Variants in ADAMTS17 observed in about 807,000 individuals in gnomAD.
ADAMTS17 encodes A disintegrin and metalloproteinase with thrombospondin motifs 17.
A neutral mutation model predicts 141.5 loss-of-function variants in ADAMTS17; 113 were observed. The observed-to-expected ratio is 0.80, with a 90% confidence interval of 0.69 to 0.93. The LOEUF is 0.93. ADAMTS17 is among the 40% of genes least tolerant of loss of function. The pLI, the probability that ADAMTS17 is intolerant of heterozygous loss-of-function variation, is 0.00. For synonymous variants in ADAMTS17, 768 were observed against 630.6 expected, an observed-to-expected ratio of 1.22 and a Z score of -3.27; for missense variants, 1,659 against 1,517.9, an observed-to-expected ratio of 1.09 and a Z score of -1.54.
chr15:100,237,124 C>T (rs1051156544), intron 7 of ADAMTS17, among the ~76,000 whole-genome samples: 6 of 152,134 alleles, frequency 3.9e-5, no homozygotes, highest in African/African-American at 1.2e-4. Flanking sequence ...ACTGGGGTGT[C>T]GGGCCAGCCA....
chr15:100,210,003 C>T (rs570708367), intron 7 of ADAMTS17, among the ~76,000 whole-genome samples: 80 of 152,004 alleles, frequency 5.3e-4, no homozygotes, highest in African/African-American at 1.9e-3. Flanking sequence ...TGTGGTGGTC[C>T]GCGGGCAGAT....
chr15:100,254,873 A>G (rs1181443368), intron 6 of ADAMTS17, among the ~76,000 whole-genome samples: 1 of 152,204 alleles, frequency 6.6e-6, no homozygotes, highest in Non-Finnish European at 1.5e-5. Context: ...GAGGGACAGC[A>G]TGAGGAAGAA....
intron 7 of ADAMTS17, among the ~76,000 whole-genome samples, chr15:100,253,909 T>C (rs1191472778): frequency 6.6e-6 from 1 of 152,060 alleles, no homozygotes; most frequent in African/African-American, 2.4e-5. Context: ...GGTGTCACTC[T>C]TCATAGCTTC....
At position 99,997,649 on chromosome 15, in the gene ADAMTS17, G is replaced by A. The variant is rs2060832096; in HGVS notation, c.2592-60C>T. 2.5e-6 allele frequency: 4 copies of A among 1,604,020 alleles called. No homozygotes were observed. The highest frequency in any genetic ancestry group is 1.1e-5 in the South Asian group (1 of 90,842). On this transcript the variant is annotated intron_variant, in intron 18 of 21. Transcript: ENST00000268070. The surrounding 1 kb of genome is among the most constrained non-coding windows in gnomAD (Gnocchi z 4.7). ...GGGTGAGAGGCCAGCCTCTCCGGAG[G>A]GCCTTCCGGCCGGATCCTGGAATTG...
At chr15:100,244,480 C>A (rs1206419227) in intron 7 of ADAMTS17, among the ~76,000 whole-genome samples, 1 of 151,576 alleles carries the variant, frequency 6.6e-6, no homozygotes, top group East Asian at 2.0e-4. Context: ...TGGGAGGGAC[C>A]TGGTGGGAGG....
chr15:100,030,223 G>A (rs766572615), intron 18 of ADAMTS17, among the ~76,000 whole-genome samples: 63 of 152,272 alleles, frequency 4.1e-4, no homozygotes, highest in Middle Eastern at 3.4e-3. Context: ...ATTAAGAGTC[G>A]TGGAAGGAAA....
chr15:100,236,976 C>G (rs1239931778), intron 7 of ADAMTS17, among the ~76,000 whole-genome samples: 1 of 152,210 alleles, frequency 6.6e-6, no homozygotes, highest in Non-Finnish European at 1.5e-5. Flanking sequence ...ATTCTCCTCT[C>G]ATCTCTGCAC....
chr15:100,205,916 G>A (rs77136320), intron 7 of ADAMTS17, among the ~76,000 whole-genome samples: 5,126 of 152,250 alleles, frequency 0.034, 137 homozygotes, highest in South Asian at 0.067. Context: ...CCGAGCCCAG[G>A]TCTGGCCCCT....
At chr15:100,289,551 C>T (rs573577126) in intron 3 of ADAMTS17, among the ~76,000 whole-genome samples, 33 of 107,268 alleles carry the variant, frequency 3.1e-4, no homozygotes, top group Non-Finnish European at 3.6e-4. Context: ...CACACACTCA[C>T]ACACACACAC....
At chr15:100,338,249 A>G (rs1365860109) in intron 2 of ADAMTS17, among the ~76,000 whole-genome samples, 4 of 152,142 alleles carry the variant, frequency 2.6e-5, no homozygotes, top group Non-Finnish European at 5.9e-5. Flanking sequence ...TTTACTCTCC[A>G]TGGCCCCTAA....
In ADAMTS17 at chr15:100,341,082, C is replaced by T; in HGVS notation, c.407G>A (p.Gly136Asp). The T allele has an allele frequency of 6.6e-7, 1 of 1,519,502 alleles. No individual in the cohort carries two copies. The highest frequency in any genetic ancestry group is 8.8e-7 in the Non-Finnish European group (1 of 1,139,150). 94.1% of individuals were successfully genotyped at this position (1,519,502 alleles called of 1,614,324 possible). A position where few individuals can be genotyped will look rare whatever the true frequency, so the allele number is the denominator to read the frequency against. The change falls in exon 2 of 22, where the codon GGC becomes GAC. Residue 136 changes from glycine to aspartate, a missense_variant. Physicochemically the swap from Gly to Asp is moderately conservative, Grantham distance 94. Coordinates refer to ENST00000268070, the MANE Select transcript of ADAMTS17 (RefSeq NM_139057.4). ...GCAGGCGCTGAGCGAGACGAGGGAG[C>T]CGGGGTGGCCGAGCACACGGCCCGA... ...FYSGRVLGHPGSLVSLSACGA... is the reference protein window; with the variant it reads ...FYSGRVLGHPDSLVSLSACGA...
intron 7 of ADAMTS17, among the ~76,000 whole-genome samples, chr15:100,217,547 C>T (rs138658084): frequency 5.5e-4 from 84 of 152,184 alleles, no homozygotes; most frequent in African/African-American, 1.9e-3. Flanking sequence ...TGCAGTGAGC[C>T]GAGATCATGC....
rs780995084 is a variant in ADAMTS17, at chr15:100,261,624, T to C, written c.886A>G (p.Ile296Val). 3 of 1,613,762 alleles carry C rather than the reference T, an allele frequency of 1.9e-6. No homozygotes were observed. Among genetic ancestry groups the C allele is most frequent in the African/African-American group, 1.3e-5 (1 of 75,002 alleles). ...AGGGACCGCTCACCATGGTGCCCAA[T>C]GGACAACTTAGCCTAAAAAAAGTCA... ...LLRQRPAKLS[I>V]GHHGERSLES... Residue 296 changes from isoleucine (I) to valine (V), a missense_variant, in exon 6 of 22, where the codon ATT becomes GTT. By Grantham distance (29) the Ile-to-Val change is conservative. Coordinates refer to ENST00000268070, the MANE Select transcript of ADAMTS17 (RefSeq NM_139057.4).
chr15:100,055,561 G>A (rs370577791), intron 15 of ADAMTS17, among the ~76,000 whole-genome samples: 1 of 152,148 alleles, frequency 6.6e-6, no homozygotes, highest in Non-Finnish European at 1.5e-5. Flanking sequence ...GTGGGGTCTC[G>A]TATCCAGGGT....
intron 7 of ADAMTS17, among the ~76,000 whole-genome samples, chr15:100,213,360 G>A (rs536252530): frequency 2.6e-5 from 4 of 152,112 alleles, no homozygotes; most frequent in South Asian, 4.1e-4. Context: ...TTTGTTGATG[G>A]TGTTCTCCAT....
At chr15:100,130,634 T>A (rs1310413866) in intron 12 of ADAMTS17, among the ~76,000 whole-genome samples, 1 of 152,172 alleles carries the variant, frequency 6.6e-6, no homozygotes, top group Non-Finnish European at 1.5e-5. Context: ...GTTCTGTGAT[T>A]TGATCAGTCT....
chr15:100,306,860 A>G (rs1375352526), intron 3 of ADAMTS17, among the ~76,000 whole-genome samples: 1 of 152,184 alleles, frequency 6.6e-6, no homozygotes, highest in Non-Finnish European at 1.5e-5. Context: ...ATCCTGCAAG[A>G]ACACAGGCCC....
chr15:100,202,253 G>A (rs2041363606), intron 7 of ADAMTS17, among the ~76,000 whole-genome samples: 1 of 152,240 alleles, frequency 6.6e-6, no homozygotes, highest in South Asian at 2.1e-4. Context: ...TAGTGGAACA[G>A]TGAAGCAAGG....
intron 3 of ADAMTS17, among the ~76,000 whole-genome samples, chr15:100,283,680 C>T (rs1469293479): frequency 6.6e-6 from 1 of 152,202 alleles, no homozygotes; most frequent in African/African-American, 2.4e-5. Context: ...GAGCTGCATT[C>T]CTAGCAGGGC....
Sources: gnomAD v4.1 joint callset for allele counts (sites outside exome capture counted in the v4.1 genomes callset) on GRCh38, gnomAD v4.1.1 for gene constraint, Gnocchi (gnomAD v3.1) non-coding constraint, MANE v1.5 for transcripts, NCBI Gene and HGNC (gene_info 2026-07-23, HGNC 2026-07-21) for gene names.